Variants in CCDC152 observed in about 807,000 individuals in gnomAD.
CCDC152 encodes coiled-coil domain containing 152.
In CCDC152, 37 loss-of-function variants were observed where a neutral mutation model predicts 38.1. The observed-to-expected ratio is 0.97, with a 90% CI of 0.75 to 1.28. The LOEUF (loss-of-function observed/expected upper bound fraction) is 1.28. Ranked by LOEUF, CCDC152 falls within the 50% of genes most tolerant of loss-of-function variation. CCDC152 has a pLI of 0.00. For missense variants in CCDC152, 259 were observed against 292.1 expected, an observed-to-expected ratio of 0.89 and a Z score of 0.83; for synonymous variants, 83 against 87.1, an observed-to-expected ratio of 0.95 and a Z score of 0.26.
chr5:42,768,273 A>G (rs557671018), intron 3 of CCDC152, among the ~76,000 whole-genome samples: 1 of 152,326 alleles, frequency 6.6e-6, no homozygotes, highest in South Asian at 2.1e-4. Context: ...TATCTGCTTC[A>G]GCTTACTGTG....
At chr5:42,798,940 T>C (rs1433328956) in intron 7 of CCDC152, among the ~76,000 whole-genome samples, 2 of 152,214 alleles carry the variant, frequency 1.3e-5, no homozygotes, top group African/African-American at 4.8e-5. Context: ...AGGTGAGGTT[T>C]TCTTCCTTGA....
rs33987951 is a variant in CCDC152, at chr5:42,779,719, G to GTT, written c.327+208_327+209dup. Among the ~76,000 whole-genome samples the GTT allele has an allele frequency of 2.9e-3, 431 of 148,346 alleles. 4 individuals carry two copies. Among genetic ancestry groups the GTT allele is most frequent in the African/African-American group, 0.01 (407 of 40,644 alleles). On this transcript the variant is annotated intron_variant, in intron 5 of 8. Coordinates refer to ENST00000361970, the MANE Select transcript of CCDC152 (RefSeq NM_001134848.2). ...TTTCAAAGCAATACTAGTTTTAAGA[G>GTT]TTTTTTTTTTTTACAAAATATAATG...
Position 42,762,542 on chromosome 5 carries a change from AAAG to A in CCDC152, c.191_193del (p.Glu65del). 6.7e-7 allele frequency: 1 copy of A among 1,496,788 alleles called. No individual in the cohort carries two copies. The allele number at this position is 1,496,788 out of a possible 1,614,324, so 92.7% of individuals were successfully genotyped here. On this transcript the variant is annotated inframe_deletion, in exon 3 of 9. Transcript: ENST00000361970. The stretch of plus-strand genomic sequence containing the variant: ...AATGCAAGCAAAGGAGGTCTCCATT[AAAG>A]AAGGTTAGTTATTTGCTGCCTGAGG...
intron 6 of CCDC152, among the ~76,000 whole-genome samples, chr5:42,784,027 T>C (rs1759885330): frequency 6.6e-6 from 1 of 152,208 alleles, no homozygotes; most frequent in Non-Finnish European, 1.5e-5. Context: ...TGACTTGCTA[T>C]TGTGAATAGA....
At chr5:42,760,005 G>A (rs1759528550) in intron 2 of CCDC152, among the ~76,000 whole-genome samples, 1 of 152,014 alleles carries the variant, frequency 6.6e-6, no homozygotes. Flanking sequence ...TGCTATACTT[G>A]AAAGCCTACA....
chr5:42,780,726 A>T (rs753914671), intron 5 of CCDC152, among the ~76,000 whole-genome samples: 2 of 152,194 alleles, frequency 1.3e-5, no homozygotes, highest in African/African-American at 4.8e-5. Context: ...CACATCTAAA[A>T]TTCATGGAGA....
At chr5:42,791,494 C>A (rs368290597) in intron 6 of CCDC152, among the ~76,000 whole-genome samples, 2 of 152,240 alleles carry the variant, frequency 1.3e-5, no homozygotes, top group Non-Finnish European at 1.5e-5. Flanking sequence ...CTCACCAGCA[C>A]ATTTCTGGTG....
rs1233619999 is a variant in CCDC152 at position 42,799,815 on chromosome 5, TA to T, written c.*38del. 2 of 1,544,574 alleles carry T rather than the reference TA, an allele frequency of 1.3e-6. No individual in the cohort carries two copies. Among genetic ancestry groups the T allele is most frequent in the African/African-American group, 2.8e-5 (2 of 72,586 alleles). On this transcript the variant is annotated 3_prime_UTR_variant, in exon 9 of 9. Transcript: ENST00000361970. ...GTAAATTCATTAGTTGGTATTTATTTAAAAGCAATCGAAAGTTTCACTTCTG... is the reference window on the plus strand; with the variant it reads ...GTAAATTCATTAGTTGGTATTTATTTAAAGCAATCGAAAGTTTCACTTCTG...
At chr5:42,797,188 G>T (rs1326008928) in intron 7 of CCDC152, among the ~76,000 whole-genome samples, 4 of 152,182 alleles carry the variant, frequency 2.6e-5, no homozygotes, top group Admixed American at 1.3e-4. Context: ...TTGTTCGAAA[G>T]TTCCTGGTTT....
chr5:42,800,751 T>G lies in CCDC152; in HGVS notation c.*970T>G, dbSNP rs1206600800. The stretch of plus-strand genomic sequence containing the variant: ...TGAAGGTCATTCTCACTTTTTTGCC[T>G]GATTCTTTCAGCGTCAACTGGCACT... On this transcript the variant is annotated 3_prime_UTR_variant, in exon 9 of 9. Coordinates refer to ENST00000361970, the MANE Select transcript of CCDC152 (RefSeq NM_001134848.2). 3 of 1,608,838 alleles carry G rather than the reference T, an allele frequency of 1.9e-6. No homozygotes were observed. The highest frequency in any genetic ancestry group is 2.2e-5 in the East Asian group (1 of 44,736).
chr5:42,758,188 C>T (rs1759506295), intron 1 of CCDC152, among the ~76,000 whole-genome samples: 2 of 152,110 alleles, frequency 1.3e-5, no homozygotes, highest in Middle Eastern at 3.2e-3. Context: ...TTAATAATTG[C>T]TAATGCAAAA....
At chr5:42,767,554 A>G (rs1375938380) in intron 3 of CCDC152, among the ~76,000 whole-genome samples, 2 of 152,190 alleles carry the variant, frequency 1.3e-5, no homozygotes, top group African/African-American at 4.8e-5. Context: ...CTTACACAGT[A>G]AAGTCCAACA....
intron 5 of CCDC152, among the ~76,000 whole-genome samples, chr5:42,782,646 C>A (rs1326054136): frequency 1.3e-5 from 2 of 151,986 alleles, no homozygotes; most frequent in African/African-American, 4.8e-5. Flanking sequence ...GTATCATATA[C>A]TTCAAAATTG....
chr5:42,797,927 CA>C (rs2111604962), intron 7 of CCDC152, among the ~76,000 whole-genome samples: 1 of 152,144 alleles, frequency 6.6e-6, no homozygotes, highest in South Asian at 2.1e-4. Flanking sequence ...GCGAGCGGAT[CA>C]CCTAAGGTCA....
At chr5:42,769,944 TAGCA>T (rs1759675292) in intron 4 of CCDC152, among the ~76,000 whole-genome samples, 1 of 152,232 alleles carries the variant, frequency 6.6e-6, no homozygotes, top group Non-Finnish European at 1.5e-5. Flanking sequence ...TTATTCTCAG[TAGCA>T]TTCTTGGTCT....
chr5:42,799,978 C>A lies in CCDC152; in HGVS notation c.*197C>A. The A allele has an allele frequency of 1.7e-6, 1 of 593,632 alleles. No individual in the cohort carries two copies. The allele number at this position is 593,632 out of a possible 1,614,324, so 36.8% of individuals were successfully genotyped here. ...TAATAGTATTAACCATAAAGGAGGT[C>A]AGGTTTATAGGGTTTGGTTTACCTA... On this transcript the variant is annotated 3_prime_UTR_variant, in exon 9 of 9. Transcript: ENST00000361970.
intron 4 of CCDC152, among the ~76,000 whole-genome samples, chr5:42,776,477 T>C (rs2111558970): frequency 6.6e-6 from 1 of 152,154 alleles, no homozygotes; most frequent in Non-Finnish European, 1.5e-5. Flanking sequence ...AATAGATGAG[T>C]CCACTATTGT....
Position 42,783,585 on chromosome 5 carries a change from A to G in CCDC152, c.430+9A>G. The G allele has an allele frequency of 7.6e-7, 1 of 1,312,314 alleles. No individual in the cohort carries two copies. Among genetic ancestry groups the G allele is most frequent in the South Asian group, 2.1e-5 (1 of 48,548 alleles). The allele number at this position is 1,312,314 out of a possible 1,614,324, so 81.3% of individuals were successfully genotyped here. On this transcript the variant is annotated intron_variant, in intron 6 of 8. Coordinates refer to ENST00000361970, the MANE Select transcript of CCDC152 (RefSeq NM_001134848.2). ...GGACATGCAGAGAAAAGGTAAGTTT[A>G]AAATAAACTTGCTTTTTTGTTATTG...
At chr5:42,795,782 C>T (rs1397742684) in intron 6 of CCDC152, among the ~76,000 whole-genome samples, 1 of 152,048 alleles carries the variant, frequency 6.6e-6, no homozygotes, top group East Asian at 1.9e-4. Flanking sequence ...TATAAAGACA[C>T]ATGCACGCGT....
Sources: gnomAD v4.1 joint callset for allele counts (sites outside exome capture counted in the v4.1 genomes callset) on GRCh38, gnomAD v4.1.1 for gene constraint, MANE v1.5 for transcripts, NCBI Gene and HGNC (gene_info 2026-07-23, HGNC 2026-07-21) for gene names.